GLCCI1: variants seen among roughly 807,000 people sequenced by gnomAD.
The protein encoded by GLCCI1 is glucocorticoid induced 1, also known as glucocorticoid-induced transcript 1 protein.
A neutral mutation model predicts 52.2 loss-of-function variants in GLCCI1; 24 were observed. The ratio of observed to expected loss-of-function variants is 0.46; its 90% CI spans 0.33 to 0.65. GLCCI1 has a LOEUF of 0.65. Among genes scored for constraint, GLCCI1 ranks in the 30% least tolerant of loss-of-function variants. The probability of loss-of-function intolerance (pLI) is 0.02; values close to 1 mark genes in which losing one functional copy is unlikely to be tolerated. For synonymous variants in GLCCI1, 310 were observed against 276.5 expected, an observed-to-expected ratio of 1.12 and a Z score of -1.20; for missense variants, 704 against 701.5, an observed-to-expected ratio of 1.00 and a Z score of -0.04.
intron 3 of GLCCI1, among the ~76,000 whole-genome samples, chr7:8,027,721 A>G (rs2127950541): frequency 6.6e-6 from 1 of 152,252 alleles, no homozygotes; most frequent in African/African-American, 2.4e-5. Flanking sequence ...TATTGCCTAC[A>G]AGAAACACAC....
At chr7:7,977,916 AGTT>A (rs537983685) in intron 1 of GLCCI1, among the ~76,000 whole-genome samples, 20 of 152,312 alleles carry the variant, frequency 1.3e-4, no homozygotes, top group African/African-American at 3.6e-4. Flanking sequence ...GATAGCTGAA[AGTT>A]GTTGTTGGAA....
rs1250843404 is a variant in GLCCI1 at position 8,084,904 on chromosome 7, G to T, written c.1185G>T (p.Gly395=). The T allele has an allele frequency of 6.2e-7, 1 of 1,613,840 alleles. No homozygotes were observed. Among genetic ancestry groups the T allele is most frequent in the Non-Finnish European group, 8.5e-7 (1 of 1,179,928 alleles). The part of the protein sequence containing the change: ...DLLYDRDKDS[G]SSSPLPKYAS... ...ACTGCTTTAAATTTACAGACAGTGG[G>T]AGTAGCTCACCGTTACCCAAGTATG... Residue 395 remains glycine, a synonymous_variant, in exon 7 of 8, where the codon GGG becomes GGT. Coordinates refer to ENST00000223145, the MANE Select transcript of GLCCI1 (RefSeq NM_138426.4).
At chr7:8,048,634 G>A (rs1782188761) in intron 3 of GLCCI1, among the ~76,000 whole-genome samples, 2 of 152,060 alleles carry the variant, frequency 1.3e-5, no homozygotes, top group African/African-American at 4.8e-5. Flanking sequence ...TACTGTCTTA[G>A]GTATTAGATT....
At chr7:7,986,755 T>C (rs931696067) in intron 1 of GLCCI1, among the ~76,000 whole-genome samples, 4 of 152,228 alleles carry the variant, frequency 2.6e-5, no homozygotes, top group African/African-American at 9.6e-5. Context: ...TCTTCACTTA[T>C]TGGCATGATG....
chr7:8,020,049 C>T (rs746777670), intron 2 of GLCCI1, among the ~76,000 whole-genome samples: 7 of 152,162 alleles, frequency 4.6e-5, no homozygotes, highest in Non-Finnish European at 8.8e-5. Context: ...ACTTCATAAA[C>T]TTAATTTTGT....
chr7:8,024,386 A>G (rs1445148514), intron 3 of GLCCI1, among the ~76,000 whole-genome samples: 1 of 152,258 alleles, frequency 6.6e-6, no homozygotes, highest in East Asian at 1.9e-4. Flanking sequence ...AGCTAAGTCT[A>G]ATATCTCTGG....
intron 6 of GLCCI1, among the ~76,000 whole-genome samples, chr7:8,077,500 G>A (rs1782898635): frequency 6.6e-6 from 1 of 152,142 alleles, no homozygotes; most frequent in Admixed American, 6.5e-5. Context: ...TGACTCTGGG[G>A]CAGCCAGGTT....
chr7:8,053,315 GT>G lies in GLCCI1; in HGVS notation c.697-2107del, dbSNP rs71014751. 2.4e-3 allele frequency among the ~76,000 whole-genome samples: 307 copies of G among 129,976 alleles called. 3 individuals carry two copies. Among genetic ancestry groups the G allele is most frequent in the South Asian group, 1.9e-3 (8 of 4,234 alleles). 85.3% of individuals were successfully genotyped at this position (129,976 alleles called of 152,430 possible). On this transcript the variant is annotated intron_variant, in intron 3 of 7. Coordinates refer to ENST00000223145, the MANE Select transcript of GLCCI1 (RefSeq NM_138426.4). Reference sequence around the variant, plus strand: ...TTTTGTTTTGTTTTTTTTTGTTTTCGTTTTTTTTTTTGTTTGTTTGTTTGTT... The same window carrying G: ...TTTTGTTTTGTTTTTTTTTGTTTTCGTTTTTTTTTTGTTTGTTTGTTTGTT...
At chr7:8,048,966 G>T (rs761752616) in intron 3 of GLCCI1, among the ~76,000 whole-genome samples, 1 of 151,780 alleles carries the variant, frequency 6.6e-6, no homozygotes, top group African/African-American at 2.4e-5. Context: ...CTGTTATATT[G>T]TTGTTTTCTT....
intron 3 of GLCCI1, among the ~76,000 whole-genome samples, chr7:8,049,260 A>G (rs868282579): frequency 7.2e-5 from 11 of 152,298 alleles, no homozygotes; most frequent in Middle Eastern, 6.8e-3. Flanking sequence ...TAATAAAACT[A>G]TAGTTTTACT....
At chr7:8,056,353 G>A (rs1782396867) in intron 4 of GLCCI1, among the ~76,000 whole-genome samples, 1 of 152,142 alleles carries the variant, frequency 6.6e-6, no homozygotes, top group Non-Finnish European at 1.5e-5. Context: ...TGTCAAGGAT[G>A]ATACTGACCT....
rs377184116 is a variant in GLCCI1, at chr7:8,060,168, C to A, written c.886C>A (p.Pro296Thr). 18 of 1,612,670 alleles carry A rather than the reference C, an allele frequency of 1.1e-5. No homozygotes were observed. In the East Asian group the frequency reaches 1.8e-4, roughly 16 times the overall value. ...GCCAAAATCATCTGTTTCGCGTGTG[C>A]CCTGCAATGTAGAAGGAATAAGTCC... ...SVPKSSVSRV[P>T]CNVEGISPEL... Residue 296 changes from proline (P) to threonine (T), a missense_variant, in exon 5 of 8, where the codon CCC (proline) becomes ACC (threonine). Coordinates refer to ENST00000223145, the MANE Select transcript of GLCCI1 (RefSeq NM_138426.4).
chr7:8,018,005 T>G (rs1315383986), intron 2 of GLCCI1, among the ~76,000 whole-genome samples: 1 of 152,184 alleles, frequency 6.6e-6, no homozygotes, highest in African/African-American at 2.4e-5. Context: ...AAATAATGGT[T>G]TGTCATTACC....
chr7:8,079,666 A>T (rs1426015516), intron 6 of GLCCI1, among the ~76,000 whole-genome samples: 1 of 151,566 alleles, frequency 6.6e-6, no homozygotes, highest in Non-Finnish European at 1.5e-5. Context: ...CACAAAAACA[A>T]AAGAGTAACT....
chr7:8,074,661 G>A (rs1429693051), intron 6 of GLCCI1, among the ~76,000 whole-genome samples: 1 of 151,990 alleles, frequency 6.6e-6, no homozygotes, highest in African/African-American at 2.4e-5. Context: ...TTCCAGCCTG[G>A]GCAACAGAGC....
intron 1 of GLCCI1, among the ~76,000 whole-genome samples, chr7:7,995,917 A>G (rs1188188699): frequency 6.6e-6 from 1 of 152,138 alleles, no homozygotes; most frequent in East Asian, 1.9e-4. Flanking sequence ...AATAAAATAA[A>G]TTTTAAGTTC....
At chr7:8,053,299 GTTTT>G (rs925626745) in intron 3 of GLCCI1, among the ~76,000 whole-genome samples, 2 of 113,902 alleles carry the variant, frequency 1.8e-5, no homozygotes, top group South Asian at 2.7e-4. Flanking sequence ...GTTTTGTTTT[GTTTT>G]TTTTTGTTTT....
chr7:8,023,842 G>A (rs1014399910), intron 3 of GLCCI1, among the ~76,000 whole-genome samples: 1 of 151,594 alleles, frequency 6.6e-6, no homozygotes, highest in Non-Finnish European at 1.5e-5. Flanking sequence ...TAAGCGATCT[G>A]CCCACCTCGG....
chr7:8,039,996 CAAA>C (rs58721575), intron 3 of GLCCI1, among the ~76,000 whole-genome samples: 7 of 116,978 alleles, frequency 6.0e-5, no homozygotes, highest in Admixed American at 8.5e-5. Context: ...GACTCTGTCT[CAAA>C]AAAAAAAAAA....
Sources: gnomAD v4.1 joint callset for allele counts (sites outside exome capture counted in the v4.1 genomes callset) on GRCh38, gnomAD v4.1.1 for gene constraint, MANE v1.5 for transcripts, NCBI Gene and HGNC (gene_info 2026-07-23, HGNC 2026-07-21) for gene names.